HNRNPUL1: variants seen among roughly 807,000 people sequenced by gnomAD.
The protein encoded by HNRNPUL1 is heterogeneous nuclear ribonucleoprotein U-like protein 1.
In HNRNPUL1, 14 loss-of-function variants were observed where a neutral mutation model predicts 108.5. The ratio of observed to expected loss-of-function variants is 0.13; its 90% confidence interval spans 0.09 to 0.20. HNRNPUL1 has a LOEUF of 0.20. Among genes scored for constraint, HNRNPUL1 ranks in the 10% least tolerant of loss-of-function variants. The pLI, the probability that HNRNPUL1 is intolerant of heterozygous loss-of-function variation, is 1.00. For missense variants in HNRNPUL1, 804 were observed against 1,168.3 expected (o/e 0.69, Z 4.55); for synonymous variants, 422 against 445.2 (o/e 0.95, Z 0.66).
At position 41,264,723 on chromosome 19, in the gene HNRNPUL1, G is replaced by A. The variant is rs2034702349; in HGVS notation, c.220G>A (p.Gly74Arg). 4.1e-6 allele frequency: 6 copies of A among 1,446,174 alleles called. No individual in the cohort carries two copies. Among genetic ancestry groups the A allele is most frequent in the Non-Finnish European group, 5.4e-6 (6 of 1,103,386 alleles). The allele number at this position is 1,446,174 out of a possible 1,614,324, so 89.6% of individuals were successfully genotyped here. A position where few individuals can be genotyped will look rare whatever the true frequency, so the allele number is the denominator to read the frequency against. Residue 74 changes from glycine to arginine, a missense_variant, in exon 1 of 15, where the codon GGG becomes AGG. Physicochemically the swap from Gly to Arg is moderately radical, Grantham distance 125. Transcript: ENST00000392006. ...VETEGGSELE[G>R]TAQPPPPGLQ... Reference sequence around the variant, plus strand: ...GACCGAGGGGGGCTCCGAGCTGGAGGGGACCGCGCAGCCACCGCCGCCCGG... The same window carrying A: ...GACCGAGGGGGGCTCCGAGCTGGAGAGGACCGCGCAGCCACCGCCGCCCGG...
chr19:41,269,784 AG>A (rs1202778549), intron 2 of HNRNPUL1, among the ~76,000 whole-genome samples: 1 of 152,216 alleles, frequency 6.6e-6, no homozygotes. Flanking sequence ...CCTGGGCGAC[AG>A]GAAGACCTTG....
chr19:41,277,164 C>G (rs541526197), intron 5 of HNRNPUL1, among the ~76,000 whole-genome samples: 86 of 152,132 alleles, frequency 5.7e-4, no homozygotes, highest in African/African-American at 2.0e-3. Flanking sequence ...CTCTCAGTTC[C>G]CATCCTACCA....
intron 13 of HNRNPUL1, 21 bp from the exon 14 acceptor site, chr19:41,305,655 T>A (rs765314470): frequency 6.2e-7 from 1 of 1,613,824 alleles, no homozygotes; most frequent in South Asian, 1.1e-5. Context: ...GAGCTTTGGC[T>A]TTTTTCCCTC....
At chr19:41,274,985 AAGG>A (rs1268595889) in intron 4 of HNRNPUL1, among the ~76,000 whole-genome samples, 2 of 152,184 alleles carry the variant, frequency 1.3e-5, no homozygotes, top group Admixed American at 6.5e-5. Flanking sequence ...CCTTTAGAGA[AAGG>A]AGAGCGCCTC....
At chr19:41,278,039 TTTTG>T (rs1446442239) in intron 5 of HNRNPUL1, among the ~76,000 whole-genome samples, 5 of 151,818 alleles carry the variant, frequency 3.3e-5, no homozygotes, top group Admixed American at 6.6e-5. Flanking sequence ...GCTCCTTGTT[TTTTG>T]TTTGTTTGAT....
chr19:41,274,698 C>T (rs1334112206), intron 4 of HNRNPUL1, among the ~76,000 whole-genome samples: 1 of 152,180 alleles, frequency 6.6e-6, no homozygotes, highest in Non-Finnish European at 1.5e-5. Flanking sequence ...TTTACATGCA[C>T]CCAGAAGCCC....
At chr19:41,270,005 G>T (rs373331415) in intron 2 of HNRNPUL1, among the ~76,000 whole-genome samples, 10 of 150,530 alleles carry the variant, frequency 6.6e-5, no homozygotes, top group African/African-American at 2.4e-4. Context: ...TTTTTGAGAC[G>T]AAGTCTCGCT....
Position 41,297,783 on chromosome 19 carries a change from C to T in HNRNPUL1, c.1518+3097C>T, listed in dbSNP as rs558207678. Among the ~76,000 whole-genome samples, 3 of 152,312 alleles carry T rather than the reference C, an allele frequency of 2.0e-5. No individual in the cohort carries two copies. In the East Asian group the frequency reaches 5.8e-4, roughly 29 times the overall value. ...GGTTGACGTCACAGTCAGAACATGT[C>T]GTTCTAGTCCTCATTTGCATCCTGG... On this transcript the variant is annotated intron_variant, in intron 10 of 14. Transcript: ENST00000392006.
chr19:41,282,904 C>T (rs1015710855), intron 7 of HNRNPUL1, among the ~76,000 whole-genome samples: 4 of 151,140 alleles, frequency 2.6e-5, no homozygotes, highest in African/African-American at 4.9e-5. Flanking sequence ...CCGTTTTAGC[C>T]GGGATGGTCT....
At position 41,294,689 on chromosome 19, in the gene HNRNPUL1, A is replaced by G; in HGVS notation, c.1518+3A>G. Reference sequence around the variant, plus strand: ...AACGCAACTATATCCTAGATCAGGTACTTAATGATGACCATTGTGTCCTCA... The same window carrying G: ...AACGCAACTATATCCTAGATCAGGTGCTTAATGATGACCATTGTGTCCTCA... On this transcript the variant is annotated splice_donor_region_variant and intron_variant, in intron 10 of 14. Transcript: ENST00000392006. This position sits in a 1 kb window ranked among gnomAD's most constrained non-coding sequence, Gnocchi z 4.3. The G allele has an allele frequency of 5.0e-6, 8 of 1,614,104 alleles. No individual in the cohort carries two copies. The highest frequency in any genetic ancestry group is 6.8e-6 in the Non-Finnish European group (8 of 1,180,022).
chr19:41,264,459 T>C lies in HNRNPUL1; in HGVS notation c.-45T>C. The C allele has an allele frequency of 1.5e-6, 2 of 1,335,140 alleles. No homozygotes were observed. Among genetic ancestry groups the C allele is most frequent in the South Asian group, 3.7e-5 (2 of 54,314 alleles). 82.7% of individuals were successfully genotyped at this position (1,335,140 alleles called of 1,614,324 possible). A position where few individuals can be genotyped will look rare whatever the true frequency, so the allele number is the denominator to read the frequency against. On this transcript the variant is annotated 5_prime_UTR_variant, in exon 1 of 15. Transcript: ENST00000392006. ...GAAAGGTTTAAGGGGGACAGAGCCC[T>C]GGGAGGCCGGGCCGGGCTCGGGGGC...
chr19:41,302,777 G>A lies in HNRNPUL1; in HGVS notation c.1800G>A (p.Lys600=), dbSNP rs1053118054. 6.8e-6 allele frequency: 11 copies of A among 1,613,080 alleles called. No individual in the cohort carries two copies. Among genetic ancestry groups the A allele is most frequent in the East Asian group, 4.5e-5 (2 of 44,868 alleles). Residue 600 remains lysine, a synonymous_variant, in exon 12 of 15, where the codon AAG becomes AAA. Transcript: ENST00000392006. ...LVRQYNEEGR[K]AGPPPEKRFD... is the part of the protein sequence containing the mutation. ...GGCAGTACAACGAGGAAGGCCGCAA[G>A]GCTGGGCCACCCCCTGAAAAGCGCT...
chr19:41,300,711 T>G (rs1301365336), intron 10 of HNRNPUL1, among the ~76,000 whole-genome samples: 1 of 152,188 alleles, frequency 6.6e-6, no homozygotes, highest in African/African-American at 2.4e-5. Context: ...CAACCACATA[T>G]GTGCTAGAGC....
At chr19:41,302,593 T>C in intron 11 of HNRNPUL1, 72 bp from the exon 12 acceptor site, 1 of 1,577,190 alleles carries the variant, frequency 6.3e-7, no homozygotes, top group African/African-American at 1.3e-5. Context: ...CTCTTCTGGG[T>C]GGAGGGGACC....
chr19:41,306,564 A>C lies in HNRNPUL1; in HGVS notation c.2570A>C (p.Ter857SerextTer3). 3.2e-6 allele frequency: 5 copies of C among 1,542,740 alleles called. No individual in the cohort carries two copies. Among genetic ancestry groups the C allele is most frequent in the Non-Finnish European group, 4.4e-6 (5 of 1,145,930 alleles). The change falls in exon 15 of 15, where the codon TAG becomes TCG. Residue 857 changes from the stop codon to serine (S), a stop_lost. Coordinates refer to ENST00000392006, the MANE Select transcript of HNRNPUL1 (RefSeq NM_007040.6). ...GNTQGGTSTQ[*>S] ...ACACAGGGTGGCACAAGTACACAGT[A>C]GCCAGTGTGACCCAGAGGCTCCCGG...
At chr19:41,286,707 C>CTTTTTTTTT (rs60441728) in intron 7 of HNRNPUL1, 2 of 74,138 alleles carry the variant, frequency 2.7e-5, no homozygotes, top group African/African-American at 6.4e-5. Flanking sequence ...GGTGTGTACT[C>CTTTTTTTTT]TTTTTTTTTT....
rs1017666341 is a variant in HNRNPUL1 at position 41,292,573 on chromosome 19, C to T, written c.1266+62C>T. 1.9e-6 allele frequency: 3 copies of T among 1,551,392 alleles called. No individual in the cohort carries two copies. Among genetic ancestry groups the T allele is most frequent in the Middle Eastern group, 2.3e-4 (1 of 4,370 alleles). ...TGCCAAGACAGAGGAGACACACACA[C>T]ACACACACACACAGACTTGCTGCGA... On this transcript the variant is annotated intron_variant, in intron 8 of 14. Coordinates refer to ENST00000392006, the MANE Select transcript of HNRNPUL1 (RefSeq NM_007040.6). The surrounding 1 kb of genome is among the most constrained non-coding windows in gnomAD (Gnocchi z 4.1).
At chr19:41,298,975 C>T (rs1376563371) in intron 10 of HNRNPUL1, 2 of 151,818 alleles carry the variant, frequency 1.3e-5, no homozygotes, top group Non-Finnish European at 2.9e-5. Flanking sequence ...CACCCTGGCA[C>T]CTACCTACTC....
chr19:41,306,266 T>C (rs975438268), intron 14 of HNRNPUL1, among the ~76,000 whole-genome samples, 183 bp from the exon 15 acceptor site: 15 of 152,214 alleles, frequency 9.9e-5, no homozygotes, highest in African/African-American at 3.6e-4. Context: ...TGGGCTTCAG[T>C]CCCTAACTGC....
Sources: allele counts gnomAD v4.1 joint callset (sites outside exome capture counted in the v4.1 genomes callset), GRCh38; gene constraint gnomAD v4.1.1; non-coding constraint Gnocchi (gnomAD v3.1); transcripts MANE v1.5; gene names NCBI Gene and HGNC (gene_info 2026-07-23, HGNC 2026-07-21).